Variants in COL6A5 observed in about 807,000 individuals in gnomAD.
COL6A5 encodes collagen type VI alpha 5 chain.
In COL6A5, 48 loss-of-function variants were observed where a neutral mutation model predicts 65.6. That is an observed-to-expected ratio of 0.73 (90% CI 0.58 to 0.93). COL6A5 has a LOEUF of 0.93. Ranked by LOEUF, COL6A5 falls within the 40% of genes least tolerant of loss-of-function variation. COL6A5 has a pLI of 0.00. For missense variants in COL6A5, 914 were observed against 928.3 expected (o/e 0.98, Z 0.20); for synonymous variants, 291 against 322.8 (o/e 0.90, Z 1.05).
chr3:130,367,763 T>A (rs1935395630), intron 1 of COL6A5, among the ~76,000 whole-genome samples: 1 of 152,190 alleles, frequency 6.6e-6, no homozygotes, highest in South Asian at 2.1e-4. Flanking sequence ...AATTATAAGG[T>A]CCAGTGAGAC....
chr3:130,361,278 C>A (rs1935097980), intron 1 of COL6A5, among the ~76,000 whole-genome samples: 1 of 152,022 alleles, frequency 6.6e-6, no homozygotes, highest in African/African-American at 2.4e-5. Context: ...AGCCACAAAT[C>A]TTTTTACTGT....
At chr3:130,475,353 T>A (rs1179748994) in intron 7 of COL6A5, among the ~76,000 whole-genome samples, 1 of 150,446 alleles carries the variant, frequency 6.6e-6, no homozygotes, top group Non-Finnish European at 1.5e-5. Context: ...AGAAAAAAAA[T>A]ATTGAAGCAG....
intron 1 of COL6A5, among the ~76,000 whole-genome samples, chr3:130,362,304 ATATATATATATATATATATATATTTTT>A (rs1361134585): frequency 4.1e-3 from 31 of 7,654 alleles, no homozygotes; most frequent in East Asian, 5.3e-3. Flanking sequence ...ATATATATAT[ATATATATATATATATATATATATTTTT>A]TTTTTTTTTT....
intron 3 of COL6A5, among the ~76,000 whole-genome samples, chr3:130,378,623 G>A (rs1323744644): frequency 6.6e-6 from 1 of 152,076 alleles, no homozygotes; most frequent in African/African-American, 2.4e-5. Flanking sequence ...ATCTGTCAAT[G>A]TTTCCCCTCA....
chr3:130,358,919 T>C (rs907872199), intron 1 of COL6A5, among the ~76,000 whole-genome samples: 2 of 152,200 alleles, frequency 1.3e-5, no homozygotes, highest in Non-Finnish European at 1.5e-5. Flanking sequence ...GGAAACAATC[T>C]AAATATCTAT....
intron 4 of COL6A5, among the ~76,000 whole-genome samples, chr3:130,455,253 A>G (rs1032709271): frequency 2.6e-5 from 4 of 152,174 alleles, no homozygotes; most frequent in Non-Finnish European, 5.9e-5. Context: ...AAAAGGTAGA[A>G]TAAGTAGAAA....
exon 6 of COL6A5, chr3:130,468,891 TAGA>T: frequency 6.2e-7 from 1 of 1,612,192 alleles, no homozygotes; most frequent in Non-Finnish European, 8.5e-7. Context: ...GCTTTCCTCA[TAGA>T]TGCTTCCCAA....
upstream of COL6A5, among the ~76,000 whole-genome samples, chr3:130,427,518 A>C (rs1384551277): frequency 1.3e-5 from 2 of 152,104 alleles, no homozygotes; most frequent in Non-Finnish European, 2.9e-5. Context: ...TTGTGAAGGG[A>C]AATCAATTGG....
intron 1 of COL6A5, among the ~76,000 whole-genome samples, chr3:130,365,028 T>C (rs1160735429): frequency 6.6e-6 from 1 of 152,224 alleles, no homozygotes; most frequent in Non-Finnish European, 1.5e-5. Context: ...GGGATTCTTC[T>C]TCATGGTGGC....
rs75436283 is a variant in COL6A5, at chr3:130,456,006, G to T, written c.1544+340G>T. Reference sequence around the variant, plus strand: ...GAGGGATTAAAATGACTTTTTTTTGGGGGGAGGAATGGAGTTTCATTCTTG... The same window carrying T: ...GAGGGATTAAAATGACTTTTTTTTGTGGGGAGGAATGGAGTTTCATTCTTG... On this transcript the variant is annotated intron_variant, in intron 5 of 7. Coordinates refer to ENST00000512836, the Ensembl canonical transcript of COL6A5. 2.6e-5 allele frequency among the ~76,000 whole-genome samples: 4 copies of T among 151,948 alleles called. 1 individual carries two copies. The highest frequency in any genetic ancestry group is 4.1e-4 in the South Asian group (2 of 4,820).
At chr3:130,388,062 A>G (rs577131187) in intron 5 of COL6A5, among the ~76,000 whole-genome samples, 23 of 152,084 alleles carry the variant, frequency 1.5e-4, no homozygotes, top group African/African-American at 4.3e-4. Flanking sequence ...TCTCTAGTAA[A>G]AACTTTTTCT....
exon 4 of COL6A5, chr3:130,379,634 A>T: frequency 6.4e-7 from 1 of 1,551,456 alleles, no homozygotes; most frequent in Non-Finnish European, 8.7e-7. Flanking sequence ...AGCACAACCC[A>T]ATCTGAATTT....
chr3:130,391,790 C>G, intron 7 of COL6A5, 36 bp downstream of exon 7: 1 of 1,449,150 alleles, frequency 6.9e-7, no homozygotes, highest in Non-Finnish European at 9.3e-7. Context: ...ATGGGGGTAG[C>G]AATAAAAGTT....
chr3:130,431,873 C>T, exon 1 of COL6A5: 1 of 1,551,616 alleles, frequency 6.4e-7, no homozygotes, highest in Non-Finnish European at 8.7e-7. Context: ...ATCACGGCCA[C>T]CATGGAGTTT....
chr3:130,398,039 A>AT (rs1267110151), exon 10 of COL6A5: 2 of 1,549,112 alleles, frequency 1.3e-6, no homozygotes, highest in East Asian at 4.9e-5. Context: ...GGTGCTGCTT[A>AT]TTTTTTCAGA....
chr3:130,348,119 A>C (rs1934569679), intron 1 of COL6A5, among the ~76,000 whole-genome samples: 1 of 151,956 alleles, frequency 6.6e-6, no homozygotes, highest in Non-Finnish European at 1.5e-5. Context: ...TTTATTTTTA[A>C]TTTTACTTTA....
intron 2 of COL6A5, 59 bp from the exon 3 acceptor site, chr3:130,376,178 G>A (rs193157516): frequency 1.3e-6 from 2 of 1,490,550 alleles, no homozygotes; most frequent in East Asian, 4.6e-5. Flanking sequence ...AAGTATTGTG[G>A]TCTAAAATAC....
In COL6A5 at chr3:130,410,020, A is replaced by G. The variant is rs1431439766; in HGVS notation, c.4554A>G (p.Gly1518=). 9 of 1,548,692 alleles carry G rather than the reference A, an allele frequency of 5.8e-6. No individual in the cohort carries two copies. The East Asian group carries it at 2.2e-4, about 38-fold the overall frequency. ...AAATCTTTCTCTAGGGTAATCCAGG[A>G]CAAAACAATAACATCAAAGGACAAA... Residue 1518 remains glycine (G), a synonymous_variant and NMD_transcript_variant, in exon 19 of 42, where the codon GGA becomes GGG. Coordinates refer to the COL6A5 transcript ENST00000312481.
chr3:130,401,201 G>T (rs1445047671), intron 11 of COL6A5, 28 bp downstream of exon 11: 2 of 1,513,110 alleles, frequency 1.3e-6, no homozygotes, highest in South Asian at 2.6e-5. Flanking sequence ...ATCCCCGGTT[G>T]TTCAAAATGC....
Sources: gnomAD v4.1 joint callset for allele counts (sites outside exome capture counted in the v4.1 genomes callset) on GRCh38, gnomAD v4.1.1 for gene constraint, MANE v1.5 for transcripts, NCBI Gene and HGNC (gene_info 2026-07-23, HGNC 2026-07-21) for gene names.